Variants in ANKS1B observed in about 807,000 individuals in gnomAD.
ANKS1B encodes ankyrin repeat and sterile alpha motif domain-containing protein 1B.
Under a neutral mutation model 148.3 loss-of-function variants are expected in ANKS1B, and 36 were observed. That is an observed-to-expected ratio of 0.24 (90% CI 0.19 to 0.32). The LOEUF (loss-of-function observed/expected upper bound fraction) is 0.32. Ranked by LOEUF, ANKS1B falls within the 10% of genes least tolerant of loss-of-function variation. The pLI, the probability that ANKS1B is intolerant of heterozygous loss-of-function variation, is 1.00. For synonymous variants in ANKS1B, 542 were observed against 560.8 expected, an observed-to-expected ratio of 0.97 and a Z score of 0.47; for missense variants, 1,157 against 1,542.6, an observed-to-expected ratio of 0.75 and a Z score of 4.19.
At chr12:99,386,777 A>T (rs73151158) in intron 12 of ANKS1B, among the ~76,000 whole-genome samples, 20,883 of 152,240 alleles carry the variant, frequency 0.14, 1,558 homozygotes, top group African/African-American at 0.18. Flanking sequence ...TGTAACAAAA[A>T]CTTACATTAA....
At chr12:99,807,311 AG>A (rs1412750695) in intron 3 of ANKS1B, among the ~76,000 whole-genome samples, 1 of 152,186 alleles carries the variant, frequency 6.6e-6, no homozygotes, top group Non-Finnish European at 1.5e-5. Context: ...ACAAGTTACT[AG>A]GAGTATCACA....
chr12:98,987,535 C>A (rs994434696), intron 17 of ANKS1B, among the ~76,000 whole-genome samples: 1 of 151,866 alleles, frequency 6.6e-6, no homozygotes, highest in African/African-American at 2.4e-5. Flanking sequence ...CATTTTATAC[C>A]CACTCTCACA....
At position 98,745,255 on chromosome 12, in the gene ANKS1B, CAAT is replaced by C. The variant is rs1250368547; in HGVS notation, c.*481_*483del. ...TTGTCCTTTTGCATTAAACGATACT[CAAT>C]GATAGAATGATTTTACAGATGCTTT... On this transcript the variant is annotated 3_prime_UTR_variant, in exon 27 of 27. Coordinates refer to ENST00000683438, the MANE Select transcript of ANKS1B (RefSeq NM_001352186.2). The C allele has an allele frequency of 2.0e-6, 2 of 985,454 alleles. No individual in the cohort carries two copies. Among genetic ancestry groups the C allele is most frequent in the African/African-American group, 3.5e-5 (2 of 57,108 alleles). The allele number at this position is 985,454 out of a possible 1,614,324, so 61.0% of individuals were successfully genotyped here.
chr12:98,951,059 T>C (rs1043382963), intron 17 of ANKS1B, among the ~76,000 whole-genome samples: 1 of 152,204 alleles, frequency 6.6e-6, no homozygotes, highest in Non-Finnish European at 1.5e-5. Context: ...ACATGCAGAA[T>C]TTCACATATA....
intron 8 of ANKS1B, among the ~76,000 whole-genome samples, chr12:99,747,598 A>C (rs1342918675): frequency 1.3e-5 from 2 of 152,102 alleles, no homozygotes; most frequent in African/African-American, 4.8e-5. Context: ...AATTATTTAA[A>C]ATTCTTGTTG....
intron 19 of ANKS1B, among the ~76,000 whole-genome samples, chr12:98,824,495 T>C (rs952019088): frequency 3.3e-5 from 5 of 152,244 alleles, no homozygotes; most frequent in African/African-American, 1.2e-4. Flanking sequence ...TCTGTCTATA[T>C]AGTGCTTTAC....
At chr12:98,975,184 T>C (rs2099891971) in intron 17 of ANKS1B, among the ~76,000 whole-genome samples, 1 of 130,516 alleles carries the variant, frequency 7.7e-6, no homozygotes, top group African/African-American at 2.9e-5. Context: ...CTTCCTCCCT[T>C]TCCTCTTCCT....
chr12:99,821,435 C>A (rs2082482767), intron 2 of ANKS1B, among the ~76,000 whole-genome samples: 1 of 149,646 alleles, frequency 6.7e-6, no homozygotes, highest in Non-Finnish European at 1.5e-5. Flanking sequence ...GATTGCTATT[C>A]AATTTGCTTA....
intron 14 of ANKS1B, among the ~76,000 whole-genome samples, chr12:99,169,582 T>G (rs532865652): frequency 6.6e-6 from 1 of 152,260 alleles, no homozygotes; most frequent in East Asian, 1.9e-4. Flanking sequence ...AAATAGAAGG[T>G]AGCTAATATT....
intron 1 of ANKS1B, among the ~76,000 whole-genome samples, chr12:99,865,520 T>C (rs1603395718): frequency 1.3e-5 from 2 of 152,258 alleles, no homozygotes; most frequent in East Asian, 3.9e-4. Flanking sequence ...AAAAGAGTAG[T>C]CAAGAAATCC....
chr12:99,519,566 T>C (rs1289491094), intron 9 of ANKS1B, among the ~76,000 whole-genome samples: 1 of 152,200 alleles, frequency 6.6e-6, no homozygotes, highest in Admixed American at 6.5e-5. Context: ...TGGTTTCCAG[T>C]GGCTTGGAAT....
chr12:98,799,844 C>T (rs2098985554), intron 21 of ANKS1B, among the ~76,000 whole-genome samples: 1 of 151,986 alleles, frequency 6.6e-6, no homozygotes, highest in Non-Finnish European at 1.5e-5. Flanking sequence ...ATTCCCCTGC[C>T]CCTTGCCCTC....
chr12:98,841,604 T>C (rs1015304959), intron 17 of ANKS1B, among the ~76,000 whole-genome samples: 1 of 152,208 alleles, frequency 6.6e-6, no homozygotes, highest in African/African-American at 2.4e-5. Flanking sequence ...CCACAGATTT[T>C]ACTTAGCCTA....
chr12:99,101,986 G>C (rs1261506412), intron 15 of ANKS1B, among the ~76,000 whole-genome samples: 1 of 152,108 alleles, frequency 6.6e-6, no homozygotes, highest in Non-Finnish European at 1.5e-5. Flanking sequence ...TGTAGATTTG[G>C]GGATGATCAG....
chr12:99,869,608 G>A (rs185301242), intron 1 of ANKS1B, among the ~76,000 whole-genome samples: 1 of 151,822 alleles, frequency 6.6e-6, no homozygotes, highest in African/African-American at 2.4e-5. Flanking sequence ...TTGAACCCGA[G>A]AGGCAAAGGT....
At chr12:99,679,248 T>G (rs776687665) in intron 8 of ANKS1B, among the ~76,000 whole-genome samples, 3 of 152,210 alleles carry the variant, frequency 2.0e-5, no homozygotes, top group Non-Finnish European at 4.4e-5. Flanking sequence ...AGAGCTCACT[T>G]GTTAAATAAT....
intron 16 of ANKS1B, among the ~76,000 whole-genome samples, chr12:99,077,058 A>C (rs1284574098): frequency 6.6e-6 from 1 of 152,178 alleles, no homozygotes; most frequent in South Asian, 2.1e-4. Context: ...CAAAAATACA[A>C]AAAGCAAAAC....
chr12:99,807,658 T>A (rs1048902408), intron 3 of ANKS1B, among the ~76,000 whole-genome samples: 2 of 152,184 alleles, frequency 1.3e-5, no homozygotes, highest in Non-Finnish European at 2.9e-5. Flanking sequence ...TGTTTACTCA[T>A]TTAATCCTCA....
intron 12 of ANKS1B, among the ~76,000 whole-genome samples, chr12:99,360,498 T>C (rs1243086425): frequency 6.6e-6 from 1 of 152,144 alleles, no homozygotes; most frequent in Non-Finnish European, 1.5e-5. Context: ...GTGGACAAAG[T>C]ATATTCCCTG....
Sources: allele counts gnomAD v4.1 joint callset (sites outside exome capture counted in the v4.1 genomes callset), GRCh38; gene constraint gnomAD v4.1.1; transcripts MANE v1.5; gene names NCBI Gene and HGNC (gene_info 2026-07-23, HGNC 2026-07-21).